CHCHD6: variants seen among roughly 807,000 people sequenced by gnomAD.
CHCHD6 encodes the protein MICOS complex subunit MIC25.
CHCHD6 carries 28 observed loss-of-function variants against 32.3 expected under a neutral mutation model. The observed-to-expected ratio is 0.87, with a 90% CI of 0.64 to 1.19. The LOEUF is 1.19. Ranked by LOEUF, CHCHD6 falls within the 50% of genes most tolerant of loss-of-function variation. CHCHD6 has a pLI of 0.00. For missense variants in CHCHD6, 333 were observed against 307.0 expected (o/e 1.08, Z -0.63); for synonymous variants, 122 against 117.5 (o/e 1.04, Z -0.25).
Position 126,957,324 on chromosome 3 carries a change from G to A in CHCHD6, c.567-92G>A, listed in dbSNP as rs544518990. 200 of 1,440,912 alleles carry A rather than the reference G, an allele frequency of 1.4e-4. 3 individuals are homozygous for A. Among genetic ancestry groups the A allele is most frequent in the Middle Eastern group, 4.8e-4 (2 of 4,134 alleles). The allele number at this position is 1,440,912 out of a possible 1,614,324, so 89.3% of individuals were successfully genotyped here. ...CTGGGTGTCAGGGACTTAGCCTAGCGCCTGGGAGGTAGGTGGAGTGAATGT... is the reference window on the plus strand; with the variant it reads ...CTGGGTGTCAGGGACTTAGCCTAGCACCTGGGAGGTAGGTGGAGTGAATGT... On this transcript the variant is annotated intron_variant, in intron 6 of 7. Transcript: ENST00000290913.
chr3:126,713,905 G>C (rs532000318), intron 1 of CHCHD6, among the ~76,000 whole-genome samples: 1 of 151,504 alleles, frequency 6.6e-6, no homozygotes, highest in Non-Finnish European at 1.5e-5. Flanking sequence ...GTGAAACCCT[G>C]TCTCTACTAA....
In CHCHD6 at chr3:126,710,555, G is replaced by A. The variant is rs370582471; in HGVS notation, c.87+6156G>A. On this transcript the variant is annotated intron_variant, in intron 1 of 7. Transcript: ENST00000290913. ...TTGCTATTTTAGCAACATGGAGTCT[G>A]CCAATTAGTATACACGAAATATCTC... is the stretch of plus-strand genomic sequence containing the variant. Among the ~76,000 whole-genome samples the A allele has an allele frequency of 3.4e-4, 52 of 152,278 alleles. No homozygotes were observed. The East Asian group carries it at 8.7e-3, about 25-fold the overall frequency.
chr3:126,936,732 A>C (rs775743731), intron 6 of CHCHD6, among the ~76,000 whole-genome samples: 5 of 151,734 alleles, frequency 3.3e-5, no homozygotes, highest in Non-Finnish European at 7.4e-5. Flanking sequence ...ATTTTTTTGT[A>C]TTTTACTAGA....
At chr3:126,717,790 T>C (rs1935090611) in intron 1 of CHCHD6, among the ~76,000 whole-genome samples, 1 of 150,790 alleles carries the variant, frequency 6.6e-6, no homozygotes, top group East Asian at 1.9e-4. Flanking sequence ...TGTGTGTGGC[T>C]TAGATTGAGG....
At chr3:126,726,704 G>A (rs1935552702) in intron 1 of CHCHD6, among the ~76,000 whole-genome samples, 1 of 152,228 alleles carries the variant, frequency 6.6e-6, no homozygotes, top group Non-Finnish European at 1.5e-5. Flanking sequence ...TTGGATGGGT[G>A]GAGATGTCCC....
intron 1 of CHCHD6, among the ~76,000 whole-genome samples, chr3:126,714,103 A>AAT (rs1162121930): frequency 1.2e-4 from 18 of 146,254 alleles, no homozygotes; most frequent in African/African-American, 4.3e-4. Context: ...AAAAAAAAAA[A>AAT]GTTGGGAGGC....
At chr3:126,866,581 C>CTTT (rs1942295757) in intron 5 of CHCHD6, among the ~76,000 whole-genome samples, 2 of 152,212 alleles carry the variant, frequency 1.3e-5, no homozygotes, top group Non-Finnish European at 1.5e-5. Context: ...CCTTGGCAGG[C>CTTT]TAAATTCAGA....
Position 126,704,363 on chromosome 3 carries a change from C to A in CHCHD6, c.51C>A (p.Asp17Glu). 2.5e-6 allele frequency: 4 copies of A among 1,585,946 alleles called. No homozygotes were observed. The highest frequency in any genetic ancestry group is 3.4e-6 in the Non-Finnish European group (4 of 1,167,428). ...SEGRRVSFGV[D>E]EEERVRVLQG... ...GCCGCAGGGTGTCCTTCGGAGTGGA[C>A]GAGGAGGAGCGGGTCCGGGTGCTGC... The change falls in exon 1 of 8, where the codon GAC (aspartate) becomes GAA (glutamate). Residue 17 changes from aspartate (D) to glutamate (E), a missense_variant. Asp to Glu is a conservative substitution (Grantham distance 45). Coordinates refer to ENST00000290913, the MANE Select transcript of CHCHD6 (RefSeq NM_032343.3).
chr3:126,782,669 C>T (rs1333869189), intron 4 of CHCHD6, among the ~76,000 whole-genome samples: 1 of 152,206 alleles, frequency 6.6e-6, no homozygotes, highest in African/African-American at 2.4e-5. Flanking sequence ...GCAGACACCA[C>T]TCTAGAATGA....
chr3:126,766,400 G>T, intron 4 of CHCHD6: 2 of 545,956 alleles, frequency 3.7e-6, no homozygotes, highest in South Asian at 1.8e-5. Flanking sequence ...CAGCTGCCAC[G>T]AGAGGTGTAG....
chr3:126,952,586 C>T (rs895533907), intron 6 of CHCHD6, among the ~76,000 whole-genome samples: 2 of 152,066 alleles, frequency 1.3e-5, no homozygotes, highest in Non-Finnish European at 2.9e-5. Flanking sequence ...CAGTGAGGCT[C>T]GGCATGGGGC....
At chr3:126,752,967 G>C (rs761485545) in intron 4 of CHCHD6, among the ~76,000 whole-genome samples, 30 of 152,130 alleles carry the variant, frequency 2.0e-4, no homozygotes, top group Non-Finnish European at 3.5e-4. Flanking sequence ...GTCATTGCCA[G>C]GTACCCGAGG....
intron 5 of CHCHD6, among the ~76,000 whole-genome samples, chr3:126,855,243 G>A (rs1308610470): frequency 6.6e-6 from 1 of 152,196 alleles, no homozygotes; most frequent in Non-Finnish European, 1.5e-5. Flanking sequence ...CTTTGAGTAT[G>A]GTGTAACTGA....
At chr3:126,792,290 G>T (rs1242770938) in intron 4 of CHCHD6, among the ~76,000 whole-genome samples, 2 of 147,678 alleles carry the variant, frequency 1.4e-5, no homozygotes, top group Non-Finnish European at 3.0e-5. Context: ...ATATATTCTA[G>T]AATATATACT....
rs1037349044 is a variant in CHCHD6, at chr3:126,918,679, C to T, written c.566+3929C>T. Among the ~76,000 whole-genome samples the T allele has an allele frequency of 5.9e-5, 9 of 152,182 alleles. No individual in the cohort carries two copies. In the East Asian group the frequency reaches 1.7e-3, roughly 29 times the overall value. On this transcript the variant is annotated intron_variant, in intron 6 of 7. Coordinates refer to ENST00000290913, the MANE Select transcript of CHCHD6 (RefSeq NM_032343.3). The stretch of plus-strand genomic sequence containing the variant: ...CTTATTGAAGGAATTGAAAAAAGGC[C>T]AGTATGGCTAGAGAGTAATGAATGA...
intron 4 of CHCHD6, among the ~76,000 whole-genome samples, chr3:126,808,875 A>G (rs1469373965): frequency 1.3e-5 from 2 of 152,198 alleles, no homozygotes; most frequent in Non-Finnish European, 2.9e-5. Context: ...GGCTTTGGCT[A>G]ATTTTCTCAA....
chr3:126,953,083 T>C, intron 6 of CHCHD6: 13 of 985,506 alleles, frequency 1.3e-5, no homozygotes, highest in Non-Finnish European at 1.6e-5. Context: ...CACCTGCCAT[T>C]CTCCTGCCAT....
intron 4 of CHCHD6, among the ~76,000 whole-genome samples, chr3:126,848,480 T>C (rs1941366372): frequency 2.6e-5 from 4 of 152,264 alleles, no homozygotes; most frequent in Non-Finnish European, 4.4e-5. Context: ...TTTAAAATTA[T>C]TCATCAATTG....
At chr3:126,762,982 A>C (rs986894471) in intron 4 of CHCHD6, among the ~76,000 whole-genome samples, 5 of 152,152 alleles carry the variant, frequency 3.3e-5, no homozygotes, top group African/African-American at 1.2e-4. Context: ...CCATTCTGCC[A>C]ATCTCTGCCT....
Sources: allele counts gnomAD v4.1 joint callset (sites outside exome capture counted in the v4.1 genomes callset), GRCh38; gene constraint gnomAD v4.1.1; transcripts MANE v1.5; gene names NCBI Gene and HGNC (gene_info 2026-07-23, HGNC 2026-07-21).